The following KDM3A variants were observed in gnomAD, a reference collection of about 807,000 sequenced individuals.
KDM3A encodes lysine demethylase 3A.
In KDM3A, 60 loss-of-function variants were observed where a neutral mutation model predicts 158.0. The observed-to-expected ratio is 0.38, with a 90% CI of 0.31 to 0.47. The LOEUF (loss-of-function observed/expected upper bound fraction) is 0.47, where lower values mean the gene tolerates loss of function less well. Among genes scored for constraint, KDM3A ranks in the 20% least tolerant of loss-of-function variants. The probability of loss-of-function intolerance (pLI) is 0.99; values close to 1 mark genes in which losing one functional copy is unlikely to be tolerated. For missense variants in KDM3A, 1,319 were observed against 1,574.3 expected (o/e 0.84, Z 2.74); for synonymous variants, 608 against 549.3 (o/e 1.11, Z -1.49).
At chr2:86,480,406 C>A (rs748729002) in intron 16 of KDM3A, 44 bp downstream of exon 16, 3 of 1,532,972 alleles carry the variant, frequency 2.0e-6, no homozygotes, top group Non-Finnish European at 1.8e-6. Context: ...GTATTTTAGT[C>A]CATTCGTGGA....
intron 23 of KDM3A, 200 bp from the exon 24 acceptor site, chr2:86,490,681 A>T (rs1558634730): frequency 3.9e-6 from 2 of 515,408 alleles, no homozygotes; most frequent in Admixed American, 3.6e-5. Context: ...ATGGGAACTG[A>T]CATCACATTT....
intron 4 of KDM3A, among the ~76,000 whole-genome samples, chr2:86,451,883 CGTT>C (rs2104633831): frequency 6.6e-6 from 1 of 152,150 alleles, no homozygotes; most frequent in Admixed American, 6.5e-5. Flanking sequence ...AAAAGTAGAC[CGTT>C]GTTTATATAC....
chr2:86,484,768 T>G, intron 19 of KDM3A, 174 bp from the exon 20 acceptor site: 2 of 526,768 alleles, frequency 3.8e-6, no homozygotes, highest in Non-Finnish European at 6.8e-6. Context: ...GGATAGTTGG[T>G]AGGAGGGGAA....
chr2:86,489,052 T>C, intron 21 of KDM3A: 1 of 368,566 alleles, frequency 2.7e-6, no homozygotes. Flanking sequence ...GCTCACTTGA[T>C]CTAGCAGATG....
intron 8 of KDM3A, among the ~76,000 whole-genome samples, chr2:86,461,322 A>G (rs1278748885): frequency 1.3e-5 from 2 of 152,076 alleles, no homozygotes; most frequent in South Asian, 2.1e-4. Context: ...CCTCCTTCCA[A>G]CAAGTATTTA....
chr2:86,437,099 T>C (rs1346041104), upstream of KDM3A, among the ~76,000 whole-genome samples: 2 of 152,324 alleles, frequency 1.3e-5, no homozygotes, highest in East Asian at 1.9e-4. Context: ...CTGGAACTTA[T>C]TTTCGTGAAT....
At chr2:86,483,444 C>G (rs916194096) in intron 18 of KDM3A, 1 of 152,400 alleles carries the variant, frequency 6.6e-6, no homozygotes, top group African/African-American at 2.4e-5. Context: ...AAATGATGGG[C>G]TGAATACAGT....
At chr2:86,459,255 C>G (rs1672828525) in intron 8 of KDM3A, among the ~76,000 whole-genome samples, 1 of 152,104 alleles carries the variant, frequency 6.6e-6, no homozygotes, top group Non-Finnish European at 1.5e-5. Context: ...GTGGCCAGGA[C>G]TACACAGAGG....
intron 3 of KDM3A, 103 bp downstream of exon 3, chr2:86,450,065 TC>T: frequency 8.3e-7 from 1 of 1,209,864 alleles, no homozygotes; most frequent in Non-Finnish European, 1.1e-6. Context: ...TCAGAAAAGC[TC>T]CCAGGATCTC....
At chr2:86,461,547 G>A (rs548001452) in intron 8 of KDM3A, among the ~76,000 whole-genome samples, 53 of 152,278 alleles carry the variant, frequency 3.5e-4, no homozygotes, top group African/African-American at 1.2e-3. Flanking sequence ...GCAACAGCAG[G>A]GCCTCTGCCC....
rs757706717 is a variant in KDM3A, at chr2:86,466,847, A to T, written c.1483A>T (p.Ser495Cys). ...ATCTTCAGTAAAAGTAGATAATGAA[A>T]GCTGTTGTTCAAGAAGCAACAATAA... The part of the protein sequence containing the change: ...KESSVKVDNE[S>C]CCSRSNNKIQ... Residue 495 changes from serine to cysteine, a missense_variant, in exon 10 of 26, where the codon AGC (serine) becomes TGC (cysteine). Physicochemically the swap from Ser to Cys is moderately radical, Grantham distance 112 (BLOSUM62 -1). This residue lies in a region of KDM3A where 652 missense variants were observed against 627.2 expected (regional missense o/e 1.04). Coordinates refer to ENST00000312912, the MANE Select transcript of KDM3A (RefSeq NM_018433.6). 1 of 1,609,428 alleles carries T rather than the reference A, an allele frequency of 6.2e-7. No individual in the cohort carries two copies.
chr2:86,437,580 C>G (rs771116136), upstream of KDM3A, among the ~76,000 whole-genome samples: 1 of 151,960 alleles, frequency 6.6e-6, no homozygotes, highest in Non-Finnish European at 1.5e-5. Flanking sequence ...CTCTTCATTA[C>G]TTATATATTT....
intron 20 of KDM3A, among the ~76,000 whole-genome samples, chr2:86,485,259 T>G (rs982345126): frequency 6.6e-6 from 1 of 152,234 alleles, no homozygotes; most frequent in African/African-American, 2.4e-5. Context: ...ACCACAGATT[T>G]TCCATGGTAG....
chr2:86,456,230 C>T lies in KDM3A; in HGVS notation c.557-212C>T, dbSNP rs529012150. The stretch of plus-strand genomic sequence containing the variant: ...AGTGAGTGAGGTCTTGATGAATTGT[C>T]TAATACTACTTTGGTCCGATACAAA... On this transcript the variant is annotated intron_variant, in intron 5 of 25. Transcript: ENST00000312912. Among the ~76,000 whole-genome samples, 175 of 152,038 alleles carry T rather than the reference C, an allele frequency of 1.2e-3. 1 individual carries two copies. Among genetic ancestry groups the T allele is most frequent in the African/African-American group, 4.0e-3 (167 of 41,488 alleles).
At chr2:86,466,959 G>A (rs1179963695) in intron 10 of KDM3A, 76 bp downstream of exon 10, 2 of 1,181,964 alleles carry the variant, frequency 1.7e-6, no homozygotes, top group African/African-American at 3.1e-5. Context: ...TGTCCTATGA[G>A]AAACTATGTG....
At chr2:86,479,906 G>C (rs1673839875) in intron 15 of KDM3A, 1 of 481,188 alleles carries the variant, frequency 2.1e-6, no homozygotes, top group African/African-American at 2.0e-5. Context: ...GAGTAATAGG[G>C]ATATGTACCA....
chr2:86,465,381 T>C (rs1050217345), intron 9 of KDM3A, among the ~76,000 whole-genome samples: 4 of 152,132 alleles, frequency 2.6e-5, no homozygotes, highest in African/African-American at 9.7e-5. Context: ...GCTGCCAGTT[T>C]GTTAGTTTTT....
At position 86,478,929 on chromosome 2, in the gene KDM3A, G is replaced by A. The variant is rs915213504; in HGVS notation, c.2316+194G>A. On this transcript the variant is annotated intron_variant, in intron 15 of 25. Coordinates refer to ENST00000312912, the MANE Select transcript of KDM3A (RefSeq NM_018433.6). The stretch of plus-strand genomic sequence containing the variant: ...CGTTCTGACTTTTCACATTACTTTC[G>A]TAGACTCTACTGTGGCCTCTTGTAG... 3.2e-5 allele frequency: 17 copies of A among 533,968 alleles called. 1 individual carries two copies. The highest frequency in any genetic ancestry group is 2.2e-4 in the South Asian group (9 of 40,118). 33.1% of individuals were successfully genotyped at this position (533,968 alleles called of 1,614,324 possible). A position where few individuals can be genotyped will look rare whatever the true frequency, so the allele number is the denominator to read the frequency against.
upstream of KDM3A, among the ~76,000 whole-genome samples, chr2:86,437,550 A>G (rs1453860635): frequency 6.6e-6 from 1 of 152,026 alleles, no homozygotes; most frequent in Non-Finnish European, 1.5e-5. Flanking sequence ...TTTAATATAC[A>G]CTGGGTCTGT....
Sources: allele counts gnomAD v4.1 joint callset (sites outside exome capture counted in the v4.1 genomes callset), GRCh38; gene constraint gnomAD v4.1.1; regional missense constraint gnomAD v4.1.1; transcripts MANE v1.5; gene names NCBI Gene and HGNC (gene_info 2026-07-23, HGNC 2026-07-21).